BCAT1: variants seen among roughly 807,000 people sequenced by gnomAD.
BCAT1 encodes the protein branched-chain-amino-acid aminotransferase, cytosolic.
A neutral mutation model predicts 52.4 loss-of-function variants in BCAT1; 48 were observed. The ratio of observed to expected loss-of-function variants is 0.92; its 90% CI spans 0.73 to 1.16. The LOEUF (loss-of-function observed/expected upper bound fraction) is 1.16, where lower values mean the gene tolerates loss of function less well. Among genes scored for constraint, BCAT1 ranks in the 50% most tolerant of loss-of-function variants. The probability of loss-of-function intolerance (pLI) is 0.00; values close to 1 mark genes in which losing one functional copy is unlikely to be tolerated. For missense variants in BCAT1, 451 were observed against 457.1 expected, an observed-to-expected ratio of 0.99 and a Z score of 0.12; for synonymous variants, 167 against 161.3, an observed-to-expected ratio of 1.04 and a Z score of -0.27.
chr12:24,840,790 A>G (rs1262170031), intron 7 of BCAT1, among the ~76,000 whole-genome samples: 1 of 152,244 alleles, frequency 6.6e-6, no homozygotes, highest in African/African-American at 2.4e-5. Flanking sequence ...AGCTACTTTC[A>G]AATATAAACT....
At chr12:24,875,263 G>T (rs1352684212) in intron 5 of BCAT1, among the ~76,000 whole-genome samples, 2 of 152,088 alleles carry the variant, frequency 1.3e-5, no homozygotes, top group Non-Finnish European at 2.9e-5. Flanking sequence ...CATCTGTAGG[G>T]GGCAGATCTA....
rs114441022 is a variant in BCAT1 at position 24,906,590 on chromosome 12, T to G, written c.7-4705A>C. ...GATGAGCATTAATATATGAAACTTATGTATATTACTTAGAACCATGCCTGA... is the reference window on the plus strand; with the variant it reads ...GATGAGCATTAATATATGAAACTTAGGTATATTACTTAGAACCATGCCTGA... On this transcript the variant is annotated intron_variant, in intron 1 of 10. Transcript: ENST00000261192. Among the ~76,000 whole-genome samples, 617 of 152,338 alleles carry G rather than the reference T, an allele frequency of 4.1e-3. 7 individuals are homozygous for G. The highest frequency in any genetic ancestry group is 0.013 in the African/African-American group (552 of 41,572).
chr12:24,944,438 G>A (rs904645695), intron 1 of BCAT1, among the ~76,000 whole-genome samples: 12 of 152,124 alleles, frequency 7.9e-5, no homozygotes, highest in African/African-American at 1.4e-4. Flanking sequence ...CCCAAACTTC[G>A]TCTCAACTGT....
chr12:24,884,693 C>A (rs1274873290), intron 3 of BCAT1, among the ~76,000 whole-genome samples: 1 of 152,074 alleles, frequency 6.6e-6, no homozygotes, highest in African/African-American at 2.4e-5. Flanking sequence ...GTATGATAAT[C>A]TCATTCAGTA....
At chr12:24,945,874 GCT>G (rs1943927138) in intron 1 of BCAT1, 1 of 152,168 alleles carries the variant, frequency 6.6e-6, no homozygotes, top group Non-Finnish European at 1.5e-5. Flanking sequence ...GTAGAGGATA[GCT>G]GGCACAATTA....
chr12:24,834,438 T>C (rs1452533440), intron 8 of BCAT1: 1 of 983,934 alleles, frequency 1.0e-6, no homozygotes, highest in Non-Finnish European at 1.2e-6. Flanking sequence ...GTTTAAACTA[T>C]CTGTTTAATT....
At chr12:24,848,329 A>G (rs1941404775) in intron 6 of BCAT1, among the ~76,000 whole-genome samples, 1 of 152,192 alleles carries the variant, frequency 6.6e-6, no homozygotes, top group Non-Finnish European at 1.5e-5. Flanking sequence ...ATCATCTTGC[A>G]TTAGTGTGGT....
rs187620694 is a variant in BCAT1, at chr12:24,922,818, C to T, written c.7-20933G>A. 8.5e-4 allele frequency among the ~76,000 whole-genome samples: 128 copies of T among 150,718 alleles called. 1 individual carries two copies. The highest frequency in any genetic ancestry group is 2.8e-4 in the Non-Finnish European group (19 of 67,842). ...CCAGGAGGCAGAGGCTGCAGTGAGC[C>T]GACATGGGGCCACTGAACTCCAGTC... On this transcript the variant is annotated intron_variant, in intron 1 of 10. Transcript: ENST00000261192.
chr12:24,885,546 A>G (rs1280973574), intron 3 of BCAT1, among the ~76,000 whole-genome samples: 3 of 152,260 alleles, frequency 2.0e-5, no homozygotes, highest in Admixed American at 6.5e-5. Flanking sequence ...ACAAAAGTTT[A>G]TCGACTTGAT....
At chr12:24,913,585 G>C (rs1250750122) in intron 1 of BCAT1, among the ~76,000 whole-genome samples, 2 of 152,184 alleles carry the variant, frequency 1.3e-5, no homozygotes, top group African/African-American at 4.8e-5. Context: ...AGCTGGGGAT[G>C]ACTCACTCTA....
chr12:24,914,460 A>G (rs556854073), intron 1 of BCAT1, among the ~76,000 whole-genome samples: 37 of 152,340 alleles, frequency 2.4e-4, no homozygotes, highest in African/African-American at 8.9e-4. Flanking sequence ...GTTAACAGTT[A>G]TATCTCATTT....
intron 5 of BCAT1, among the ~76,000 whole-genome samples, chr12:24,850,769 A>G (rs1353420522): frequency 6.6e-6 from 1 of 152,182 alleles, no homozygotes; most frequent in Non-Finnish European, 1.5e-5. Flanking sequence ...TCCTCTGTCC[A>G]TAAATCCTCT....
rs1338767381 is a variant in BCAT1 at position 24,836,552 on chromosome 12, C to A, written c.862G>T (p.Gly288Ter). ...TPPLDGIILPGVTRRCILDLA... is the reference protein window; with the variant it reads ...TPPLDGIILP Reference sequence around the variant, plus strand: ...TCCAGAATGCACCGCCTTGTCACTCCTGGAAGAATGATGCCATCTAGTGGA... The same window carrying A: ...TCCAGAATGCACCGCCTTGTCACTCATGGAAGAATGATGCCATCTAGTGGA... The change falls in exon 8 of 11, where the codon GGA becomes TGA. Residue 288 changes from glycine to a stop codon, truncating the protein, a stop_gained. Coordinates refer to ENST00000261192, the MANE Select transcript of BCAT1 (RefSeq NM_005504.7). LOFTEE classifies it high-confidence loss of function. The A allele has an allele frequency of 6.2e-6, 10 of 1,613,166 alleles. No homozygotes were observed. The highest frequency in any genetic ancestry group is 6.8e-6 in the Non-Finnish European group (8 of 1,179,620).
intron 5 of BCAT1, among the ~76,000 whole-genome samples, chr12:24,877,174 T>C (rs1942371948): frequency 6.6e-6 from 1 of 152,198 alleles, no homozygotes. Context: ...CCTTTTGCAT[T>C]CATACAGCCT....
At chr12:24,901,275 CGAG>C (rs1168592658) in intron 2 of BCAT1, among the ~76,000 whole-genome samples, 4 of 152,036 alleles carry the variant, frequency 2.6e-5, no homozygotes, top group Non-Finnish European at 4.4e-5. Flanking sequence ...AAAACCTCCA[CGAG>C]GAGGGAGGGT....
chr12:24,831,615 C>T (rs149899156), intron 9 of BCAT1, among the ~76,000 whole-genome samples: 390 of 152,258 alleles, frequency 2.6e-3, no homozygotes, highest in Admixed American at 4.3e-3. Context: ...TGCCCCTGCA[C>T]TCCAGTACAG....
intron 1 of BCAT1, chr12:24,904,225 CG>C (rs1943187203): frequency 6.6e-6 from 1 of 152,412 alleles, no homozygotes; most frequent in South Asian, 2.1e-4. Context: ...TGTTTTGAGA[CG>C]GAGTCTCGCT....
chr12:24,834,882 T>C, intron 8 of BCAT1: 1 of 781,490 alleles, frequency 1.3e-6, no homozygotes, highest in Non-Finnish European at 1.6e-6. Context: ...CTTACTTATC[T>C]TTGGACAATT....
At chr12:24,927,272 T>C (rs1943604078) in intron 1 of BCAT1, among the ~76,000 whole-genome samples, 1 of 151,676 alleles carries the variant, frequency 6.6e-6, no homozygotes, top group African/African-American at 2.4e-5. Context: ...TGTGCCACTG[T>C]ACTCCAGCCT....
Sources: allele counts gnomAD v4.1 joint callset (sites outside exome capture counted in the v4.1 genomes callset), GRCh38; gene constraint gnomAD v4.1.1; transcripts MANE v1.5; gene names NCBI Gene and HGNC (gene_info 2026-07-23, HGNC 2026-07-21).